Variants in CUL7 observed in about 807,000 individuals in gnomAD.
CUL7 encodes the protein cullin-7.
A neutral mutation model predicts 177.7 loss-of-function variants in CUL7; 96 were observed. The ratio of observed to expected loss-of-function variants is 0.54; its 90% CI spans 0.46 to 0.64. CUL7 has a LOEUF of 0.64. Among genes scored for constraint, CUL7 ranks in the 30% least tolerant of loss-of-function variants. The pLI is 0.00. For missense variants in CUL7, 1,893 were observed against 2,187.9 expected, an observed-to-expected ratio of 0.87 and a Z score of 2.69; for synonymous variants, 824 against 890.2, an observed-to-expected ratio of 0.93 and a Z score of 1.32.
intron 9 of CUL7, 34 bp downstream of exon 9, chr6:43,048,114 C>A (rs1764067991): frequency 7.0e-7 from 1 of 1,437,370 alleles, no homozygotes; most frequent in African/African-American, 1.4e-5. Flanking sequence ...TTTATCCTCT[C>A]CCCCAGCCTC....
At chr6:43,049,926 G>A in intron 6 of CUL7, 37 bp downstream of exon 6, 10 of 1,583,094 alleles carry the variant, frequency 6.3e-6, no homozygotes, top group Non-Finnish European at 7.8e-6. Context: ...TTGCAATAGA[G>A]CCCTCCAACC....
In CUL7 at chr6:43,038,275, C is replaced by T. The variant is rs776398521; in HGVS notation, c.4765G>A (p.Val1589Ile). The change falls in exon 25 of 26, where the codon GTC becomes ATC. Residue 1589 changes from valine (V) to isoleucine (I), a missense_variant. Val to Ile is a conservative substitution (Grantham distance 29). Transcript: ENST00000265348. ...GDEGLHIDQL[V>I]CLVLEAWQKG... ...TGCCCACCCCTGCCTACCAGACAGA[C>T]AAGCTGGTCAATGTGCAGCCCCTCA... is the stretch of plus-strand genomic sequence containing the variant. 1 of 1,614,182 alleles carries T rather than the reference C, an allele frequency of 6.2e-7. No homozygotes were observed. The highest frequency in any genetic ancestry group is 1.1e-5 in the South Asian group (1 of 91,074).
intron 7 of CUL7, among the ~76,000 whole-genome samples, 181 bp from the exon 8 acceptor site, chr6:43,048,750 T>A (rs1394703889): frequency 3.9e-5 from 6 of 152,082 alleles, no homozygotes; most frequent in Admixed American, 2.6e-4. Context: ...GACAGCTTCA[T>A]GACAAATTTT....
chr6:43,050,179 G>C lies in CUL7; in HGVS notation c.1373-20C>G. 6.2e-7 allele frequency: 1 copy of C among 1,614,168 alleles called. No homozygotes were observed. ...GCAGGGCTGTGAAAATGGGCCAAGG[G>C]GCACAAGGATGTCACTAGCAACTCA... is the stretch of plus-strand genomic sequence containing the variant. On this transcript the variant is annotated intron_variant, in intron 5 of 25. Transcript: ENST00000265348. The surrounding 1 kb of genome is among the most constrained non-coding windows in gnomAD (Gnocchi z 4.1).
At chr6:43,039,299 C>T (rs938330205) in intron 22 of CUL7, among the ~76,000 whole-genome samples, 1 of 152,182 alleles carries the variant, frequency 6.6e-6, no homozygotes, top group Non-Finnish European at 1.5e-5. Flanking sequence ...GACTGGGGCT[C>T]TTATCAAGCT....
At chr6:43,041,917 T>C (rs1442081828) in intron 19 of CUL7, among the ~76,000 whole-genome samples, 3 of 146,874 alleles carry the variant, frequency 2.0e-5, no homozygotes, top group African/African-American at 7.6e-5. Flanking sequence ...GGCAGGAGAA[T>C]CGCTTGAACC....
rs1764076788 is a variant in CUL7 at position 43,048,175 on chromosome 6, G to T, written c.2142C>A (p.Cys714Ter). Residue 714 changes from cysteine (C) to a stop codon, truncating the protein, a stop_gained, in exon 9 of 26, where the codon TGC becomes TGA. Coordinates refer to ENST00000265348, the MANE Select transcript of CUL7 (RefSeq NM_014780.5). LOFTEE classifies it high-confidence loss of function. ...CTCGATCAGTGTTTGGGGACCGCAG[G>T]CAGGCCATGCAGGCATCCACGGCCT... ...WHEAVDACMA[C>*]LRSPNTDREV... The T allele has an allele frequency of 1.2e-6, 2 of 1,612,614 alleles. No individual in the cohort carries two copies. The highest frequency in any genetic ancestry group is 1.7e-6 in the Non-Finnish European group (2 of 1,178,754).
chr6:43,042,003 CAAAAAAA>C (rs201127168), intron 19 of CUL7, among the ~76,000 whole-genome samples: 26 of 53,556 alleles, frequency 4.9e-4, no homozygotes, highest in African/African-American at 1.3e-3. Context: ...GACTCCGTCT[CAAAAAAA>C]AAAAAAAAAA....
chr6:43,048,413 C>A lies in CUL7; in HGVS notation c.1982G>T (p.Arg661Leu), dbSNP rs139887350. The change falls in exon 8 of 26, where the codon CGG (arginine) becomes CTG (leucine). Residue 661 changes from arginine (R) to leucine (L), a missense_variant. Physicochemically the swap from Arg to Leu is moderately radical, Grantham distance 102. Around this residue, in one of 5 missense-constraint regions of CUL7, gnomAD observed 973 missense variants for 1,140.9 expected, o/e 0.85. Transcript: ENST00000265348. ...CAGTGCCAGGAAGGGCTGCGGCTGC[C>A]GCTGCAGCTGCAGCAGGAGTGGCTT... is the stretch of plus-strand genomic sequence containing the variant. Reference protein sequence around the residue: ...KVKPLLLQLQRQPQPFLALMQ... With the variant: ...KVKPLLLQLQLQPQPFLALMQ... 1 of 1,612,840 alleles carries A rather than the reference C, an allele frequency of 6.2e-7. No homozygotes were observed. Among genetic ancestry groups the A allele is most frequent in the Admixed American group, 1.7e-5 (1 of 60,000 alleles).
intron 16 of CUL7, 81 bp downstream of exon 16, chr6:43,044,671 G>A: frequency 6.4e-7 from 1 of 1,551,342 alleles, no homozygotes; most frequent in South Asian, 1.2e-5. Flanking sequence ...AATCCAGGTG[G>A]TTCTAGGGTA....
At chr6:43,049,717 AG>A (rs1764243671) in intron 6 of CUL7, 55 bp from the exon 7 acceptor site, 2 of 1,607,774 alleles carry the variant, frequency 1.2e-6, no homozygotes, top group Non-Finnish European at 1.7e-6. Flanking sequence ...CAGAGGCCCC[AG>A]GGAGCACTTG....
In CUL7 at chr6:43,038,475, G is replaced by A. The variant is rs1458175002; in HGVS notation, c.4568-3C>T. 4 of 1,614,002 alleles carry A rather than the reference G, an allele frequency of 2.5e-6. No homozygotes were observed. Among genetic ancestry groups the A allele is most frequent in the Non-Finnish European group, 3.4e-6 (4 of 1,180,014 alleles). ...GCCATCTCGAATCTTGAGGACCCCT[G>A]AAATAAATGCTGATCACTCACTCAG... is the stretch of plus-strand genomic sequence containing the variant. On this transcript the variant is annotated splice_polypyrimidine_tract_variant and splice_region_variant and intron_variant, in intron 24 of 25. Coordinates refer to ENST00000265348, the MANE Select transcript of CUL7 (RefSeq NM_014780.5).
intron 23 of CUL7, 72 bp downstream of exon 23, chr6:43,038,770 A>T: frequency 6.2e-7 from 1 of 1,612,740 alleles, no homozygotes; most frequent in Non-Finnish European, 8.5e-7. Flanking sequence ...AAGCAGAGGG[A>T]GTCAAGGTTT....
chr6:43,046,216 C>T lies in CUL7; in HGVS notation c.2660+20G>A. 6.2e-7 allele frequency: 1 copy of T among 1,614,212 alleles called. No individual in the cohort carries two copies. Among genetic ancestry groups the T allele is most frequent in the Non-Finnish European group, 8.5e-7 (1 of 1,180,044 alleles). ...AGGAAAGCACACGTGTGTGGCAAAG[C>T]ACATGTGTGGGAGAGTTACCTGATG... On this transcript the variant is annotated intron_variant, in intron 12 of 25. Coordinates refer to ENST00000265348, the MANE Select transcript of CUL7 (RefSeq NM_014780.5).
chr6:43,046,865 C>A lies in CUL7; in HGVS notation c.2397+15G>T. On this transcript the variant is annotated intron_variant, in intron 10 of 25. Coordinates refer to ENST00000265348, the MANE Select transcript of CUL7 (RefSeq NM_014780.5). Reference sequence around the variant, plus strand: ...TGATGCCACTCTAAGCCCACAAGCTCCCCTTCCTCCTGACCTGGATGCAGC... The same window carrying A: ...TGATGCCACTCTAAGCCCACAAGCTACCCTTCCTCCTGACCTGGATGCAGC... The A allele has an allele frequency of 6.6e-7, 1 of 1,510,358 alleles. No individual in the cohort carries two copies. Among genetic ancestry groups the A allele is most frequent in the South Asian group, 1.1e-5 (1 of 88,992 alleles). 93.6% of individuals were successfully genotyped at this position (1,510,358 alleles called of 1,614,324 possible).
In CUL7 at chr6:43,049,593, G is replaced by A; in HGVS notation, c.1639C>T (p.Leu547=). 1 of 1,614,222 alleles carries A rather than the reference G, an allele frequency of 6.2e-7. No homozygotes were observed. Residue 547 remains leucine, a synonymous_variant, in exon 7 of 26, where the codon CTG becomes TTG. Coordinates refer to ENST00000265348, the MANE Select transcript of CUL7 (RefSeq NM_014780.5). ...IELAQDLLLT[L]PQRLNDSALR... ...GCACTGTCATTGAGTCGCTGTGGCA[G>A]AGTCAGCAGCAAGTCCTGGGCCAAT...
Position 43,046,500 on chromosome 6 carries a change from C to G in CUL7, c.2488+11G>C. The stretch of plus-strand genomic sequence containing the variant: ...GTGGGGAGGTGGAGCAACACGGCAA[C>G]AGGCACGAACCCTGGCACAGGTATC... On this transcript the variant is annotated intron_variant, in intron 11 of 25. Transcript: ENST00000265348. 8 of 1,614,158 alleles carry G rather than the reference C, an allele frequency of 5.0e-6. No homozygotes were observed. The South Asian group carries it at 8.8e-5, about 18-fold the overall frequency.
At position 43,050,908 on chromosome 6, in the gene CUL7, C is replaced by A. The variant is rs1764339965; in HGVS notation, c.1233+60G>T. The A allele has an allele frequency of 8.7e-6, 14 of 1,602,258 alleles. No individual in the cohort carries two copies. The Admixed American group carries it at 1.7e-4, about 19-fold the overall frequency. On this transcript the variant is annotated intron_variant, in intron 4 of 25. Coordinates refer to ENST00000265348, the MANE Select transcript of CUL7 (RefSeq NM_014780.5). This position sits in a 1 kb window ranked among gnomAD's most constrained non-coding sequence, Gnocchi z 4.1. ...GCTGGAGCCCCCCCATATAGAAGTC[C>A]CAGCTCTGCCCTACCCCAAATAGAC...
rs1561883109 is a variant in CUL7 at position 43,045,394 on chromosome 6, A to G, written c.2871T>C (p.Ile957=). Residue 957 remains isoleucine, a synonymous_variant, in exon 15 of 26, where the codon ATT becomes ATC. Coordinates refer to ENST00000265348, the MANE Select transcript of CUL7 (RefSeq NM_014780.5). This position sits in a 1 kb window ranked among gnomAD's most constrained non-coding sequence, Gnocchi z 4.8. ...TCTCTAACCCCCGAATGCGCGTATC[A>G]ATGCCACCCTGAAACACACACAGGA... ...IRIKRCQQGG[I]DTRIRGLEIL... 6.2e-7 allele frequency: 1 copy of G among 1,614,224 alleles called. No homozygotes were observed. The highest frequency in any genetic ancestry group is 1.7e-5 in the Admixed American group (1 of 60,032).
Sources: gnomAD v4.1 joint callset for allele counts (sites outside exome capture counted in the v4.1 genomes callset) on GRCh38, gnomAD v4.1.1 for gene constraint, gnomAD v4.1.1 regional missense constraint, Gnocchi (gnomAD v3.1) non-coding constraint, MANE v1.5 for transcripts, NCBI Gene and HGNC (gene_info 2026-07-23, HGNC 2026-07-21) for gene names.